The following PACRG variants were observed in gnomAD, a reference collection of about 807,000 sequenced individuals.
PACRG encodes parkin coregulated.
Under a neutral mutation model 29.7 loss-of-function variants are expected in PACRG, and 29 were observed. That is an observed-to-expected ratio of 0.98 (90% CI 0.73 to 1.33). The LOEUF (loss-of-function observed/expected upper bound fraction) is 1.33, where lower values mean the gene tolerates loss of function less well. PACRG is among the 40% of genes most tolerant of loss of function. The pLI is 0.00. For missense variants in PACRG, 279 were observed against 316.2 expected, an observed-to-expected ratio of 0.88 and a Z score of 0.89; for synonymous variants, 116 against 118.7, an observed-to-expected ratio of 0.98 and a Z score of 0.15.
intron 4 of PACRG, among the ~76,000 whole-genome samples, chr6:163,252,854 G>A (rs939081982): frequency 5.3e-5 from 8 of 152,240 alleles, no homozygotes; most frequent in African/African-American, 1.7e-4. Context: ...GGTCACCAAG[G>A]AGATGGTGAG....
chr6:163,051,458 T>C (rs1468014235), intron 2 of PACRG: 2 of 152,140 alleles, frequency 1.3e-5, no homozygotes, highest in Non-Finnish European at 2.9e-5. Flanking sequence ...TTCCTTTTCA[T>C]TATCTGAGAC....
At chr6:162,883,670 C>T (rs939913181) in intron 2 of PACRG, among the ~76,000 whole-genome samples, 1 of 145,960 alleles carries the variant, frequency 6.9e-6, no homozygotes, top group African/African-American at 2.5e-5. Context: ...AGGCATCAAA[C>T]GATTTTTCAA....
At chr6:162,864,385 CT>C (rs1250123120) in intron 2 of PACRG, among the ~76,000 whole-genome samples, 2 of 151,968 alleles carry the variant, frequency 1.3e-5, no homozygotes, top group East Asian at 3.9e-4. Context: ...CATTCCATAC[CT>C]GCTTGATGAC....
chr6:163,069,754 A>T (rs1399329631), intron 3 of PACRG, among the ~76,000 whole-genome samples: 1 of 152,150 alleles, frequency 6.6e-6, no homozygotes, highest in Non-Finnish European at 1.5e-5. Context: ...ATGCAAAAGG[A>T]TAATAACAGA....
intron 4 of PACRG, among the ~76,000 whole-genome samples, chr6:163,250,881 T>TTCTATATA (rs1457560672): frequency 1.6e-5 from 2 of 127,800 alleles, no homozygotes; most frequent in African/African-American, 7.4e-5. Context: ...AAAGAAATTG[T>TTCTATATA]TGTATATATA....
At chr6:163,241,721 G>T (rs888648731) in intron 4 of PACRG, among the ~76,000 whole-genome samples, 1 of 152,144 alleles carries the variant, frequency 6.6e-6, no homozygotes, top group African/African-American at 2.4e-5. Flanking sequence ...GAATGGAGAA[G>T]GTAGGAGGTT....
intron 2 of PACRG, among the ~76,000 whole-genome samples, chr6:162,987,977 G>C (rs1803051788): frequency 6.6e-6 from 1 of 152,164 alleles, no homozygotes; most frequent in Non-Finnish European, 1.5e-5. Context: ...GTAATGTCCT[G>C]AGTTGGTTGG....
chr6:163,270,370 A>T (rs1039146182), intron 4 of PACRG, among the ~76,000 whole-genome samples: 3 of 149,890 alleles, frequency 2.0e-5, no homozygotes, highest in South Asian at 2.1e-4. Flanking sequence ...CATAAAATGA[A>T]TTTTTTTTTT....
chr6:162,752,172 A>G (rs1428877278), intron 1 of PACRG, among the ~76,000 whole-genome samples: 1 of 152,192 alleles, frequency 6.6e-6, no homozygotes, highest in East Asian at 1.9e-4. Flanking sequence ...ACAGCCTCGA[A>G]GAAGCAAAGC....
chr6:162,939,970 T>C (rs1798501923), intron 2 of PACRG, among the ~76,000 whole-genome samples: 1 of 152,292 alleles, frequency 6.6e-6, no homozygotes, highest in East Asian at 1.9e-4. Flanking sequence ...AATGTCAAAG[T>C]ATTTTCTCAA....
intron 2 of PACRG, among the ~76,000 whole-genome samples, chr6:162,838,145 G>A (rs954593998): frequency 4.0e-5 from 6 of 151,884 alleles, no homozygotes; most frequent in Non-Finnish European, 5.9e-5. Flanking sequence ...TATATTCAAC[G>A]TAAGTATTTT....
At chr6:162,892,721 C>T (rs566798699) in intron 2 of PACRG, among the ~76,000 whole-genome samples, 7 of 152,302 alleles carry the variant, frequency 4.6e-5, no homozygotes, top group African/African-American at 1.7e-4. Context: ...CGTGACAGGC[C>T]TCTGTAGACT....
chr6:162,766,971 C>T (rs1424227263), intron 1 of PACRG, among the ~76,000 whole-genome samples: 1 of 151,594 alleles, frequency 6.6e-6, no homozygotes, highest in East Asian at 1.9e-4. Context: ...TTCTTTGGCC[C>T]GTGTGTTATT....
At chr6:163,076,660 C>T (rs1396555169) in intron 3 of PACRG, among the ~76,000 whole-genome samples, 1 of 152,226 alleles carries the variant, frequency 6.6e-6, no homozygotes, top group Non-Finnish European at 1.5e-5. Context: ...TCTAGCCAAA[C>T]CGATTGTGCC....
At chr6:162,747,452 AAC>A (rs369669977) in intron 1 of PACRG, among the ~76,000 whole-genome samples, 2,142 of 62,492 alleles carry the variant, frequency 0.034, 445 homozygotes, top group African/African-American at 0.061. Context: ...ATATATATAT[AAC>A]TATAAATATA....
intron 2 of PACRG, among the ~76,000 whole-genome samples, chr6:162,933,601 C>CTTTTT (rs71008119): frequency 6.1e-3 from 450 of 74,320 alleles, no homozygotes; most frequent in African/African-American, 0.012. Context: ...CTTTCTGTAT[C>CTTTTT]TTTTTTTTTT....
intron 2 of PACRG, among the ~76,000 whole-genome samples, chr6:162,873,850 A>G (rs1793034371): frequency 6.6e-6 from 1 of 152,206 alleles, no homozygotes; most frequent in Non-Finnish European, 1.5e-5. Flanking sequence ...ATTAGCCAGT[A>G]CATTTTTGCC....
chr6:163,137,032 T>G (rs1238507908), intron 4 of PACRG, among the ~76,000 whole-genome samples: 1 of 152,228 alleles, frequency 6.6e-6, no homozygotes, highest in Non-Finnish European at 1.5e-5. Flanking sequence ...GCAAATGCAT[T>G]TTTTACTTTA....
At chr6:163,069,285 C>CAAAAAAAAAAAAAAAAAAA in intron 3 of PACRG, among the ~76,000 whole-genome samples, 1 of 94,394 alleles carries the variant, frequency 1.1e-5, no homozygotes, top group Non-Finnish European at 2.3e-5. Context: ...ATGAACTCAC[C>CAAAAAAAAAAAAAAAAAAA]AAAAAAAAAA....
Sources: allele counts gnomAD v4.1 joint callset (sites outside exome capture counted in the v4.1 genomes callset), GRCh38; gene constraint gnomAD v4.1.1; transcripts MANE v1.5; gene names NCBI Gene and HGNC (gene_info 2026-07-23, HGNC 2026-07-21).